Variants in AUTS2 observed in about 807,000 individuals in gnomAD.
The protein encoded by AUTS2 is autism susceptibility gene 2 protein.
In AUTS2, 17 loss-of-function variants were observed where a neutral mutation model predicts 112.4. The ratio of observed to expected loss-of-function variants is 0.15; its 90% CI spans 0.10 to 0.23. The LOEUF (loss-of-function observed/expected upper bound fraction) is 0.23, where lower values mean the gene tolerates loss of function less well. Among genes scored for constraint, AUTS2 ranks in the 10% least tolerant of loss-of-function variants. The pLI is 1.00. For synonymous variants in AUTS2, 751 were observed against 702.7 expected (o/e 1.07, Z -1.09); for missense variants, 1,510 against 1,701.6 (o/e 0.89, Z 1.98).
intron 1 of AUTS2, among the ~76,000 whole-genome samples, chr7:69,854,010 T>G (rs1459796435): frequency 1.3e-5 from 2 of 152,158 alleles, no homozygotes; most frequent in Non-Finnish European, 2.9e-5. Flanking sequence ...CTTATAGGAA[T>G]GAAAATTTAT....
chr7:69,984,461 G>C (rs1798425740), intron 2 of AUTS2, among the ~76,000 whole-genome samples: 1 of 150,864 alleles, frequency 6.6e-6, no homozygotes, highest in Non-Finnish European at 1.5e-5. Flanking sequence ...AAATTTGATA[G>C]GTTCTTTAAT....
intron 5 of AUTS2, among the ~76,000 whole-genome samples, chr7:70,616,753 G>GT (rs67691820): frequency 0.32 from 42,553 of 131,210 alleles, 7,322 homozygotes; most frequent in Non-Finnish European, 0.37. Flanking sequence ...GTGTCGAATA[G>GT]TTTTTTTTTT....
At chr7:70,162,445 C>CAAAAAAAAAA (rs57688959) in intron 4 of AUTS2, among the ~76,000 whole-genome samples, 3 of 56,694 alleles carry the variant, frequency 5.3e-5, no homozygotes, top group South Asian at 1.0e-3. Flanking sequence ...GACTCCGTCT[C>CAAAAAAAAAA]AAAAAAAAAA....
At chr7:70,683,326 C>T (rs1808299713) in intron 5 of AUTS2, among the ~76,000 whole-genome samples, 2 of 152,164 alleles carry the variant, frequency 1.3e-5, no homozygotes, top group African/African-American at 2.4e-5. Context: ...GAGATCTGGT[C>T]ATTTATTTAT....
intron 1 of AUTS2, among the ~76,000 whole-genome samples, chr7:69,663,797 T>C (rs1795913365): frequency 6.6e-6 from 1 of 152,186 alleles, no homozygotes; most frequent in South Asian, 2.1e-4. Flanking sequence ...TCTTAAGCCT[T>C]CTTGGAAATA....
intron 2 of AUTS2, among the ~76,000 whole-genome samples, chr7:69,931,190 G>C (rs563887616): frequency 3.2e-4 from 48 of 151,926 alleles, no homozygotes; most frequent in Admixed American, 2.9e-3. Context: ...TTGGTGTGCT[G>C]CTTGAAACCA....
chr7:70,106,851 A>G (rs1241703931), intron 2 of AUTS2, among the ~76,000 whole-genome samples: 1 of 152,184 alleles, frequency 6.6e-6, no homozygotes, highest in African/African-American at 2.4e-5. Context: ...CTGTCATTGC[A>G]GGATATGTCA....
Position 70,152,382 on chromosome 7 carries a change from G to A in AUTS2, c.660+17811G>A, listed in dbSNP as rs376809103. Among the ~76,000 whole-genome samples, 20 of 149,392 alleles carry A rather than the reference G, an allele frequency of 1.3e-4. No homozygotes were observed. In the East Asian group the frequency reaches 1.8e-3, roughly 13 times the overall value. On this transcript the variant is annotated intron_variant, in intron 4 of 18. Coordinates refer to ENST00000342771, the MANE Select transcript of AUTS2 (RefSeq NM_015570.4). ...AAGGGAAAATCTTATAAATAGCCAG[G>A]AAATAGTAAAAAGACATAAATGCAG...
At chr7:70,276,433 GGT>G (rs1787933396) in intron 4 of AUTS2, among the ~76,000 whole-genome samples, 1 of 149,370 alleles carries the variant, frequency 6.7e-6, no homozygotes, top group Non-Finnish European at 1.5e-5. Context: ...GGAGTGCAAT[GGT>G]GTGTGTGATT....
At chr7:69,977,217 G>C (rs998100712) in intron 2 of AUTS2, among the ~76,000 whole-genome samples, 2 of 152,090 alleles carry the variant, frequency 1.3e-5, no homozygotes, top group African/African-American at 4.8e-5. Context: ...CCATTGAACG[G>C]CTTTGACACC....
chr7:70,749,003 A>T (rs545093003), intron 6 of AUTS2, among the ~76,000 whole-genome samples: 1 of 152,298 alleles, frequency 6.6e-6, no homozygotes, highest in East Asian at 1.9e-4. Context: ...TGCATGGTCC[A>T]GTGAATCTGC....
intron 5 of AUTS2, among the ~76,000 whole-genome samples, chr7:70,476,624 C>T (rs1448284475): frequency 1.3e-5 from 2 of 152,168 alleles, no homozygotes; most frequent in Non-Finnish European, 2.9e-5. Context: ...TATAGCATAT[C>T]CATGTGTATT....
chr7:70,499,399 C>G (rs1443838492), intron 5 of AUTS2, among the ~76,000 whole-genome samples: 1 of 152,176 alleles, frequency 6.6e-6, no homozygotes, highest in Non-Finnish European at 1.5e-5. Flanking sequence ...AAAGCCCCAC[C>G]CAGTCTAAGA....
chr7:69,600,972 G>T (rs1001055352), intron 1 of AUTS2, among the ~76,000 whole-genome samples: 6 of 151,488 alleles, frequency 4.0e-5, no homozygotes, highest in African/African-American at 1.5e-4. Context: ...CAGCCAACTG[G>T]CTCCTAGGGT....
chr7:70,043,816 T>C (rs1479424464), intron 2 of AUTS2, among the ~76,000 whole-genome samples: 1 of 151,914 alleles, frequency 6.6e-6, no homozygotes, highest in East Asian at 1.9e-4. Flanking sequence ...TCTATGTTGG[T>C]CAGGCTGCTC....
intron 1 of AUTS2, among the ~76,000 whole-genome samples, chr7:69,794,992 C>T: frequency 6.6e-6 from 1 of 152,192 alleles, no homozygotes; most frequent in East Asian, 1.9e-4. Context: ...TGGAGCCGAT[C>T]TTCTTGAGTT....
At chr7:70,372,658 C>CTTT (rs1217902933) in intron 4 of AUTS2, among the ~76,000 whole-genome samples, 1 of 140,358 alleles carries the variant, frequency 7.1e-6, no homozygotes, top group Non-Finnish European at 1.6e-5. Flanking sequence ...TCCTTTCTTT[C>CTTT]TTTTTTTTTT....
Position 70,693,195 on chromosome 7 carries a change from G to C in AUTS2, c.691-5374G>C, listed in dbSNP as rs942219310. ...CCTCGCCCGGGGTGCGTTCTGGTGG[G>C]AGTGGGTTGCTCAGGGGAATCTGCT... On this transcript the variant is annotated intron_variant, in intron 5 of 18. Coordinates refer to ENST00000342771, the MANE Select transcript of AUTS2 (RefSeq NM_015570.4). Among the ~76,000 whole-genome samples, 3 of 152,222 alleles carry C rather than the reference G, an allele frequency of 2.0e-5. No homozygotes were observed. The East Asian group carries it at 5.8e-4, about 29-fold the overall frequency.
chr7:70,733,662 C>T (rs1787594364), intron 6 of AUTS2, among the ~76,000 whole-genome samples: 1 of 151,988 alleles, frequency 6.6e-6, no homozygotes, highest in African/African-American at 2.4e-5. Context: ...TCTCGGCACA[C>T]TGCAACCTCC....
Sources: allele counts gnomAD v4.1 joint callset (sites outside exome capture counted in the v4.1 genomes callset), GRCh38; gene constraint gnomAD v4.1.1; transcripts MANE v1.5; gene names NCBI Gene and HGNC (gene_info 2026-07-23, HGNC 2026-07-21).